Variants in ADCY9 observed in about 807,000 individuals in gnomAD.
ADCY9 encodes adenylate cyclase type 9.
Under a neutral mutation model 101.5 loss-of-function variants are expected in ADCY9, and 50 were observed. That is an observed-to-expected ratio of 0.49 (90% CI 0.39 to 0.62). The LOEUF is 0.62. Among genes scored for constraint, ADCY9 ranks in the 20% least tolerant of loss-of-function variants. The probability of loss-of-function intolerance (pLI) is 0.00; values close to 1 mark genes in which losing one functional copy is unlikely to be tolerated. For missense variants in ADCY9, 1,662 were observed against 1,800.4 expected, an observed-to-expected ratio of 0.92 and a Z score of 1.39; for synonymous variants, 905 against 769.3, an observed-to-expected ratio of 1.18 and a Z score of -2.92.
intron 2 of ADCY9, among the ~76,000 whole-genome samples, chr16:4,069,732 T>C (rs2056821954): frequency 6.6e-6 from 1 of 152,174 alleles, no homozygotes; most frequent in Non-Finnish European, 1.5e-5. Context: ...TTACTTCTGT[T>C]CTTTAGAAGA....
intron 2 of ADCY9, among the ~76,000 whole-genome samples, chr16:4,025,276 G>A (rs780093554): frequency 1.3e-5 from 2 of 151,900 alleles, no homozygotes; most frequent in Admixed American, 6.6e-5. Flanking sequence ...AGGAGGCTGA[G>A]GCAGGAGAAT....
intron 2 of ADCY9, among the ~76,000 whole-genome samples, chr16:4,010,168 G>A (rs2056394180): frequency 6.6e-6 from 1 of 152,210 alleles, no homozygotes; most frequent in Admixed American, 6.5e-5. Context: ...ATGCACAAGG[G>A]CTGCCCTGGG....
intron 2 of ADCY9, among the ~76,000 whole-genome samples, chr16:4,063,546 A>AAAAAATAAAAAT (rs1567134110): frequency 2.6e-5 from 4 of 152,092 alleles, no homozygotes; most frequent in African/African-American, 7.2e-5. Context: ...CTGTGTCTAC[A>AAAAAATAAAAAT]AAAAATAAAA....
intron 5 of ADCY9, among the ~76,000 whole-genome samples, chr16:3,991,201 C>T (rs1421448333): frequency 2.0e-5 from 3 of 152,178 alleles, no homozygotes; most frequent in African/African-American, 7.2e-5. Context: ...TGTACAAGAT[C>T]TTCAAGTATT....
rs376631301 is a variant in ADCY9, at chr16:3,964,077, T to A, written c.*1698A>T. On this transcript the variant is annotated 3_prime_UTR_variant, in exon 11 of 11. Transcript: ENST00000294016. ...CCCCTGGAGAGGTGGCGGGTCAGAA[T>A]TGTGACTTCTTCATGCCGGGGAGGG... 2 of 152,288 alleles carry A rather than the reference T, an allele frequency of 1.3e-5. No individual in the cohort carries two copies. The highest frequency in any genetic ancestry group is 6.5e-5 in the Admixed American group (1 of 15,278). The allele number at this position is 152,288 out of a possible 1,614,324, so 9.4% of individuals were successfully genotyped here. A position where few individuals can be genotyped will look rare whatever the true frequency, so the allele number is the denominator to read the frequency against.
intron 5 of ADCY9, 123 bp from the exon 6 acceptor site, chr16:3,989,219 G>T: frequency 2.9e-6 from 2 of 696,254 alleles, no homozygotes; most frequent in South Asian, 3.5e-5. Context: ...GCGTCTAAAA[G>T]CGCCTGTGGA....
chr16:4,103,925 A>G (rs1017040203), intron 2 of ADCY9, among the ~76,000 whole-genome samples: 13 of 152,220 alleles, frequency 8.5e-5, no homozygotes, highest in African/African-American at 2.7e-4. Flanking sequence ...TCTTCTGAAT[A>G]GTCTGAGTGA....
intron 3 of ADCY9, among the ~76,000 whole-genome samples, chr16:4,005,334 C>T (rs958572163): frequency 7.2e-5 from 11 of 152,186 alleles, no homozygotes; most frequent in African/African-American, 2.7e-4. Flanking sequence ...TCAAGTGATC[C>T]TCTTGGCTCA....
At chr16:4,055,572 AC>A (rs1567131250) in intron 2 of ADCY9, among the ~76,000 whole-genome samples, 1 of 151,464 alleles carries the variant, frequency 6.6e-6, no homozygotes, top group Non-Finnish European at 1.5e-5. Flanking sequence ...GGTGGCTCAC[AC>A]CTACAATCCC....
Position 4,061,267 on chromosome 16 carries a change from G to A in ADCY9, c.1693+52483C>T, listed in dbSNP as rs185313002. Among the ~76,000 whole-genome samples, 66 of 152,154 alleles carry A rather than the reference G, an allele frequency of 4.3e-4. No homozygotes were observed. In the East Asian group the frequency reaches 4.4e-3, roughly 10 times the overall value. On this transcript the variant is annotated intron_variant, in intron 2 of 10. Coordinates refer to ENST00000294016, the MANE Select transcript of ADCY9 (RefSeq NM_001116.4). ...TATAAAGGAAGTTTCAAAAGAAAAC[G>A]AAGCAAAAGGAAGCAGAAAAAATTT...
intron 2 of ADCY9, among the ~76,000 whole-genome samples, chr16:4,068,816 CA>C (rs370717036): frequency 0.36 from 43,415 of 119,006 alleles, 6,766 homozygotes; most frequent in South Asian, 0.47. Flanking sequence ...GACTCCATCT[CA>C]AAAAAAAAAA....
intron 2 of ADCY9, among the ~76,000 whole-genome samples, chr16:4,085,406 C>T (rs371878010): frequency 3.2e-4 from 49 of 152,152 alleles, no homozygotes; most frequent in African/African-American, 1.1e-3. Context: ...AAAAGAGAGC[C>T]GCACCAAGTG....
intron 2 of ADCY9, among the ~76,000 whole-genome samples, chr16:4,111,649 T>A (rs933325269): frequency 6.6e-6 from 1 of 152,142 alleles, no homozygotes; most frequent in Non-Finnish European, 1.5e-5. Flanking sequence ...GAAAACAAAA[T>A]CGTGGTCTCA....
At chr16:4,036,390 G>A (rs141804282) in intron 2 of ADCY9, among the ~76,000 whole-genome samples, 155 of 151,384 alleles carry the variant, frequency 1.0e-3, no homozygotes, top group East Asian at 2.7e-3. Context: ...TATATAATGC[G>A]CAGTGATGAA....
In ADCY9 at chr16:4,040,677, G is replaced by A. The variant is rs527736203; in HGVS notation, c.1694-33119C>T. 3.6e-4 allele frequency among the ~76,000 whole-genome samples: 55 copies of A among 152,154 alleles called. 1 individual carries two copies. The highest frequency in any genetic ancestry group is 9.9e-4 in the African/African-American group (41 of 41,512). On this transcript the variant is annotated intron_variant, in intron 2 of 10. Transcript: ENST00000294016. Reference sequence around the variant, plus strand: ...TCACCATGTTGGCCAGACTGGTCTCGAACTCCTGACCTCAGGTGATCCACC... The same window carrying A: ...TCACCATGTTGGCCAGACTGGTCTCAAACTCCTGACCTCAGGTGATCCACC...
chr16:4,094,814 C>G (rs1008273191), intron 2 of ADCY9, among the ~76,000 whole-genome samples: 1 of 149,308 alleles, frequency 6.7e-6, no homozygotes, highest in Non-Finnish European at 1.5e-5. Context: ...GAAGAAAACA[C>G]ACACAGAAAC....
intron 10 of ADCY9, among the ~76,000 whole-genome samples, chr16:3,971,544 T>C (rs2056052159): frequency 3.3e-5 from 5 of 152,118 alleles, no homozygotes; most frequent in Admixed American, 3.3e-4. Flanking sequence ...ATATCCTACA[T>C]CTCAAGTACT....
At chr16:3,977,358 G>A (rs2056100529) in intron 9 of ADCY9, 124 bp downstream of exon 9, 8 of 1,271,966 alleles carry the variant, frequency 6.3e-6, no homozygotes, top group Non-Finnish European at 8.6e-6. Context: ...AGCTATTTTG[G>A]GTCATGATGG....
intron 2 of ADCY9, among the ~76,000 whole-genome samples, chr16:4,030,014 A>G (rs2056544252): frequency 6.6e-6 from 1 of 152,214 alleles, no homozygotes; most frequent in Admixed American, 6.5e-5. Context: ...AGAGCCACCC[A>G]CAGGAACCCT....
Sources: gnomAD v4.1 joint callset for allele counts (sites outside exome capture counted in the v4.1 genomes callset) on GRCh38, gnomAD v4.1.1 for gene constraint, MANE v1.5 for transcripts, NCBI Gene and HGNC (gene_info 2026-07-23, HGNC 2026-07-21) for gene names.